The following GPHN variants were observed in gnomAD, a reference collection of about 807,000 sequenced individuals.
GPHN encodes gephyrin.
GPHN carries 17 observed loss-of-function variants against 95.5 expected under a neutral mutation model. The ratio of observed to expected loss-of-function variants is 0.18; its 90% confidence interval spans 0.12 to 0.27. GPHN has a LOEUF of 0.27. Ranked by LOEUF, GPHN falls within the 10% of genes least tolerant of loss-of-function variation. The probability of loss-of-function intolerance (pLI) is 1.00; values close to 1 mark genes in which losing one functional copy is unlikely to be tolerated. For missense variants in GPHN, 660 were observed against 978.1 expected (o/e 0.67, Z 4.34); for synonymous variants, 320 against 322.5 (o/e 0.99, Z 0.08).
At chr14:66,708,666 T>C (rs1430972055) in intron 2 of GPHN, among the ~76,000 whole-genome samples, 2 of 152,154 alleles carry the variant, frequency 1.3e-5, no homozygotes, top group Non-Finnish European at 2.9e-5. Context: ...GTCTGAGAGA[T>C]TGCCAGATTT....
intron 4 of GPHN, among the ~76,000 whole-genome samples, chr14:66,852,028 A>G (rs1039511777): frequency 5.3e-5 from 8 of 152,202 alleles, no homozygotes; most frequent in Non-Finnish European, 1.0e-4. Flanking sequence ...TTCTGAGCCA[A>G]CCTTCAAAGC....
chr14:67,498,387 C>A, the GPHN span, among the ~76,000 whole-genome samples: 9 of 152,178 alleles, frequency 5.9e-5, no homozygotes, highest in African/African-American at 2.2e-4. Flanking sequence ...TTTCAGCAAA[C>A]CTTCAGAAGG....
At chr14:67,533,567 T>G in the GPHN span, 1 of 151,830 alleles carries the variant, frequency 6.6e-6, no homozygotes, top group Non-Finnish European at 1.5e-5. Context: ...AGCGCGGGTC[T>G]GGCTTGGGAA....
intron 1 of GPHN, among the ~76,000 whole-genome samples, chr14:66,662,944 A>G (rs2065748316): frequency 6.6e-6 from 1 of 152,210 alleles, no homozygotes; most frequent in Non-Finnish European, 1.5e-5. Flanking sequence ...ATGAAAAAGA[A>G]TGGACAAAAC....
chr14:66,664,989 C>CAAAAAA (rs937401198), intron 1 of GPHN, among the ~76,000 whole-genome samples: 5 of 54,902 alleles, frequency 9.1e-5, no homozygotes, highest in African/African-American at 1.2e-4. Context: ...GCCTACCAAC[C>CAAAAAA]AAAAAAAAAA....
chr14:67,362,032 CT>C, the GPHN span, among the ~76,000 whole-genome samples: 28 of 91,400 alleles, frequency 3.1e-4, no homozygotes, highest in East Asian at 6.6e-4. Context: ...TTTCTTTTTT[CT>C]TTTTTTTTTT....
At chr14:67,287,088 T>C in the GPHN span, among the ~76,000 whole-genome samples, 148 of 152,012 alleles carry the variant, frequency 9.7e-4, no homozygotes, top group African/African-American at 3.3e-3. Flanking sequence ...TGTGGTGTTA[T>C]GCACCTGTAG....
intron 4 of GPHN, among the ~76,000 whole-genome samples, chr14:66,845,527 G>A (rs752822411): frequency 5.9e-5 from 9 of 152,092 alleles, no homozygotes; most frequent in Non-Finnish European, 1.0e-4. Flanking sequence ...CTTAAGGACA[G>A]TATGATGGCA....
In GPHN at chr14:66,508,519, C is replaced by G; in HGVS notation, c.-9C>G. 1 of 1,613,852 alleles carries G rather than the reference C, an allele frequency of 6.2e-7. No individual in the cohort carries two copies. The highest frequency in any genetic ancestry group is 8.5e-7 in the Non-Finnish European group (1 of 1,179,732). On this transcript the variant is annotated 5_prime_UTR_variant, in exon 1 of 23. Coordinates refer to ENST00000478722, the MANE Select transcript of GPHN (RefSeq NM_020806.5). ...GGCTCCTGTCAGTGCGGTGACTGCG[C>G]TGGGAAACATGGCGACCGAGGGAAT...
chr14:67,009,310 T>C (rs1319468103), intron 9 of GPHN, among the ~76,000 whole-genome samples: 1 of 152,202 alleles, frequency 6.6e-6, no homozygotes, highest in Non-Finnish European at 1.5e-5. Flanking sequence ...TATGTTCTGG[T>C]ACACTGAGCC....
chr14:66,887,826 A>G (rs370306993), intron 5 of GPHN, among the ~76,000 whole-genome samples: 6 of 152,364 alleles, frequency 3.9e-5, no homozygotes, highest in African/African-American at 1.4e-4. Flanking sequence ...AATCATTGTG[A>G]TTAACATGCT....
chr14:66,527,159 G>A lies in GPHN; in HGVS notation c.64+18568G>A, dbSNP rs2058724041. Reference sequence around the variant, plus strand: ...TGCCTCAATTTCAGAACTTGTTACTGGTCTATTCAGGAATTCCACTTCTTT... The same window carrying A: ...TGCCTCAATTTCAGAACTTGTTACTAGTCTATTCAGGAATTCCACTTCTTT... On this transcript the variant is annotated intron_variant, in intron 1 of 22. Coordinates refer to ENST00000478722, the MANE Select transcript of GPHN (RefSeq NM_020806.5). 2.6e-5 allele frequency among the ~76,000 whole-genome samples: 4 copies of A among 152,146 alleles called. No homozygotes were observed. In the South Asian group the frequency reaches 6.2e-4, roughly 24 times the overall value.
intron 2 of GPHN, among the ~76,000 whole-genome samples, chr14:66,730,906 G>A (rs533931208): frequency 6.6e-6 from 1 of 152,292 alleles, no homozygotes; most frequent in South Asian, 2.1e-4. Context: ...TGTGTCAAGG[G>A]AAGGACCTGT....
chr14:67,193,645 A>G, the GPHN span, among the ~76,000 whole-genome samples: 1 of 147,928 alleles, frequency 6.8e-6, no homozygotes, highest in East Asian at 2.0e-4. Context: ...AGATATAGAT[A>G]TATAGAAATT....
chr14:66,568,009 G>C (rs992553687), intron 1 of GPHN, among the ~76,000 whole-genome samples: 2 of 152,162 alleles, frequency 1.3e-5, no homozygotes, highest in Non-Finnish European at 2.9e-5. Flanking sequence ...ATGTTTATAA[G>C]TGCACATTCA....
chr14:67,543,084 A>G, the GPHN span, among the ~76,000 whole-genome samples: 190 of 152,344 alleles, frequency 1.2e-3, no homozygotes, highest in Non-Finnish European at 2.2e-3. Context: ...GAAGACCTGC[A>G]CTTAAAATTA....
At chr14:66,998,305 A>G (rs933061868) in intron 9 of GPHN, among the ~76,000 whole-genome samples, 2 of 151,238 alleles carry the variant, frequency 1.3e-5, no homozygotes, top group African/African-American at 2.4e-5. Flanking sequence ...CTTTCACTCA[A>G]TGCCACATCT....
chr14:67,231,993 T>C, the GPHN span, among the ~76,000 whole-genome samples: 2 of 151,714 alleles, frequency 1.3e-5, no homozygotes, highest in Non-Finnish European at 2.9e-5. Context: ...AAAATTAACA[T>C]GATAATTTGT....
intron 2 of GPHN, among the ~76,000 whole-genome samples, chr14:66,688,197 A>G (rs1197758017): frequency 2.6e-5 from 4 of 152,228 alleles, no homozygotes; most frequent in Non-Finnish European, 5.9e-5. Flanking sequence ...CACTAAGTCA[A>G]AGTAGATCAA....
Sources: gnomAD v4.1 joint callset for allele counts (sites outside exome capture counted in the v4.1 genomes callset) on GRCh38, gnomAD v4.1.1 for gene constraint, MANE v1.5 for transcripts, NCBI Gene and HGNC (gene_info 2026-07-23, HGNC 2026-07-21) for gene names.